GALNT2: variants seen among roughly 807,000 people sequenced by gnomAD.
The protein encoded by GALNT2 is polypeptide N-acetylgalactosaminyltransferase 2.
Under a neutral mutation model 81.4 loss-of-function variants are expected in GALNT2, and 31 were observed. That is an observed-to-expected ratio of 0.38 (90% confidence interval 0.29 to 0.51). GALNT2 has a LOEUF of 0.51. Among genes scored for constraint, GALNT2 ranks in the 20% least tolerant of loss-of-function variants. The pLI, the probability that GALNT2 is intolerant of heterozygous loss-of-function variation, is 0.87. For synonymous variants in GALNT2, 303 were observed against 287.4 expected, an observed-to-expected ratio of 1.05 and a Z score of -0.55; for missense variants, 629 against 765.7, an observed-to-expected ratio of 0.82 and a Z score of 2.11.
At chr1:230,200,307 C>A (rs1484527196) in intron 2 of GALNT2, among the ~76,000 whole-genome samples, 1 of 152,166 alleles carries the variant, frequency 6.6e-6, no homozygotes, top group African/African-American at 2.4e-5. Context: ...CGTGATCCAC[C>A]TGCCTCGGCC....
At chr1:230,129,289 G>A (rs1468286896) in intron 1 of GALNT2, among the ~76,000 whole-genome samples, 1 of 152,130 alleles carries the variant, frequency 6.6e-6, no homozygotes, top group East Asian at 1.9e-4. Context: ...CTGTTTGTTA[G>A]TGGGGTAGAA....
intron 1 of GALNT2, among the ~76,000 whole-genome samples, chr1:230,172,045 C>T (rs1662810811): frequency 6.6e-6 from 1 of 151,948 alleles, no homozygotes; most frequent in South Asian, 2.1e-4. Context: ...TTTTTATTAT[C>T]CTCCTCTCAA....
intron 11 of GALNT2, among the ~76,000 whole-genome samples, chr1:230,256,641 A>T (rs551214253): frequency 6.6e-6 from 1 of 152,312 alleles, no homozygotes; most frequent in South Asian, 2.1e-4. Flanking sequence ...GTAAACATGA[A>T]GATGCCAACG....
At position 230,120,699 on chromosome 1, in the gene GALNT2, G is replaced by A. The variant is rs573329405; in HGVS notation, c.126+53293G>A. On this transcript the variant is annotated intron_variant, in intron 1 of 15. Transcript: ENST00000366672. The stretch of plus-strand genomic sequence containing the variant: ...AAACAACAGCATTCCTTTCTCCTCG[G>A]CCTCTCCCCAGGCTGCTTGGGAGAG... Among the ~76,000 whole-genome samples the A allele has an allele frequency of 7.9e-5, 12 of 152,224 alleles. No homozygotes were observed. The South Asian group carries it at 2.5e-3, about 32-fold the overall frequency.
intron 1 of GALNT2, among the ~76,000 whole-genome samples, chr1:230,121,948 C>CTTTTTT (rs11430880): frequency 1.9e-5 from 2 of 104,012 alleles, no homozygotes; most frequent in Non-Finnish European, 3.7e-5. Flanking sequence ...TACTGTTATG[C>CTTTTTT]TTTTTTTTTT....
intron 1 of GALNT2, among the ~76,000 whole-genome samples, chr1:230,082,237 A>G (rs1037261265): frequency 2.0e-5 from 3 of 152,204 alleles, no homozygotes; most frequent in African/African-American, 4.8e-5. Context: ...TGTAAGGTGA[A>G]GCTGTGGTGC....
chr1:230,190,821 G>A (rs1236470582), intron 2 of GALNT2, among the ~76,000 whole-genome samples: 2 of 152,096 alleles, frequency 1.3e-5, no homozygotes, highest in Non-Finnish European at 2.9e-5. Flanking sequence ...GCAACATCTC[G>A]ACCGCCATCG....
intron 11 of GALNT2, among the ~76,000 whole-genome samples, chr1:230,260,109 T>C (rs986626222): frequency 1.4e-4 from 21 of 152,240 alleles, no homozygotes; most frequent in African/African-American, 4.3e-4. Context: ...CACTATCTCA[T>C]GTTGGTGCTC....
rs74230128 is a variant in GALNT2, at chr1:230,211,468, A to G, written c.374+8178A>G. Among the ~76,000 whole-genome samples, 1,654 of 152,320 alleles carry G rather than the reference A, an allele frequency of 0.011. 140 individuals are homozygous for G. In the East Asian group the frequency reaches 0.2, roughly 19 times the overall value. The stretch of plus-strand genomic sequence containing the variant: ...AGCAGTTCATTGAACATTTTTTGGT[A>G]TCAAGGCCCATGCTCAGCCTTTTGT... On this transcript the variant is annotated intron_variant, in intron 3 of 15. Transcript: ENST00000366672.
At chr1:230,189,705 G>A (rs141370540) in intron 2 of GALNT2, among the ~76,000 whole-genome samples, 49 of 152,304 alleles carry the variant, frequency 3.2e-4, no homozygotes, top group South Asian at 1.7e-3. Context: ...ATACAGGTCC[G>A]TGGCATTAAG....
intron 3 of GALNT2, among the ~76,000 whole-genome samples, chr1:230,213,710 C>G (rs1487818264): frequency 6.6e-6 from 1 of 152,154 alleles, no homozygotes; most frequent in East Asian, 1.9e-4. Flanking sequence ...GTTTCTTTTT[C>G]CCTTGCATCC....
Position 230,265,299 on chromosome 1 carries a change from G to C in GALNT2, c.1372G>C (p.Asp458His), listed in dbSNP as rs1307519065. 6.2e-7 allele frequency: 1 copy of C among 1,614,174 alleles called. No individual in the cohort carries two copies. ...GALQQGTNCL[D>H]TLGHFADGVV... ...CTTGCAGCAGGGAACTAACTGCCTC[G>C]ACACTTTGGGACACTTTGCTGATGG... Residue 458 changes from aspartate to histidine, a missense_variant, in exon 14 of 16, where the codon GAC becomes CAC. Asp to His is a moderately conservative substitution (Grantham distance 81). Coordinates refer to ENST00000366672, the MANE Select transcript of GALNT2 (RefSeq NM_004481.5).
intron 3 of GALNT2, among the ~76,000 whole-genome samples, chr1:230,214,780 C>A (rs1664337748): frequency 6.6e-6 from 1 of 152,010 alleles, no homozygotes; most frequent in Admixed American, 6.6e-5. Flanking sequence ...TCTGCGTTTC[C>A]TCTGTCCCTC....
intron 3 of GALNT2, among the ~76,000 whole-genome samples, chr1:230,217,204 A>G (rs113555905): frequency 1.2e-3 from 186 of 152,326 alleles, no homozygotes; most frequent in African/African-American, 4.3e-3. Context: ...AGAAAAAAAA[A>G]GCGGTGGAGG....
At chr1:230,199,143 AAGATGATGTATGGATG>A (rs1373721782) in intron 2 of GALNT2, among the ~76,000 whole-genome samples, 5 of 152,220 alleles carry the variant, frequency 3.3e-5, no homozygotes, top group African/African-American at 2.4e-5. Flanking sequence ...ATAAAAGCAC[AAGATGATGTATGGATG>A]ACATGTCATA....
chr1:230,117,533 C>G (rs12566625), intron 1 of GALNT2, among the ~76,000 whole-genome samples: 1 of 152,154 alleles, frequency 6.6e-6, no homozygotes, highest in Admixed American at 6.5e-5. Context: ...ACCAATTGGC[C>G]TAATTTCAGT....
chr1:230,125,767 C>T (rs554349250), intron 1 of GALNT2, among the ~76,000 whole-genome samples: 3 of 152,314 alleles, frequency 2.0e-5, no homozygotes, highest in South Asian at 4.1e-4. Flanking sequence ...ACAGTGACAT[C>T]CCAGTACTCT....
chr1:230,134,981 C>A (rs1344734372), intron 1 of GALNT2, among the ~76,000 whole-genome samples: 1 of 152,164 alleles, frequency 6.6e-6, no homozygotes, highest in African/African-American at 2.4e-5. Context: ...TGTTGTGAGG[C>A]TTAAATGAGA....
intron 1 of GALNT2, among the ~76,000 whole-genome samples, chr1:230,160,808 G>T (rs180973204): frequency 2.6e-5 from 4 of 152,054 alleles, no homozygotes; most frequent in Non-Finnish European, 5.9e-5. Context: ...CTGTGGATGC[G>T]CAGGCTCTCT....
Sources: gnomAD v4.1 joint callset for allele counts (sites outside exome capture counted in the v4.1 genomes callset) on GRCh38, gnomAD v4.1.1 for gene constraint, MANE v1.5 for transcripts, NCBI Gene and HGNC (gene_info 2026-07-23, HGNC 2026-07-21) for gene names.